NELL1: variants seen among roughly 807,000 people sequenced by gnomAD.
NELL1 encodes the protein neural EGFL like 1, also known as protein kinase C-binding protein NELL1.
NELL1 carries 76 observed loss-of-function variants against 107.4 expected under a neutral mutation model. The ratio of observed to expected loss-of-function variants is 0.71; its 90% confidence interval spans 0.59 to 0.86. The LOEUF (loss-of-function observed/expected upper bound fraction) is 0.86. Among genes scored for constraint, NELL1 ranks in the 40% least tolerant of loss-of-function variants. The pLI is 0.00. For missense variants in NELL1, 1,024 were observed against 1,005.5 expected, an observed-to-expected ratio of 1.02 and a Z score of -0.25; for synonymous variants, 353 against 341.2, an observed-to-expected ratio of 1.03 and a Z score of -0.38.
At chr11:20,928,990 A>G (rs1014929423) in intron 9 of NELL1, among the ~76,000 whole-genome samples, 4 of 152,206 alleles carry the variant, frequency 2.6e-5, no homozygotes, top group East Asian at 1.9e-4. Flanking sequence ...TATGTTCCAT[A>G]TACTGTGCTG....
intron 15 of NELL1, among the ~76,000 whole-genome samples, chr11:21,422,632 A>AG (rs1419933004): frequency 1.3e-5 from 2 of 152,288 alleles, no homozygotes; most frequent in Non-Finnish European, 2.9e-5. Context: ...GAGTGCTAAA[A>AG]GTTTAGGATG....
intron 16 of NELL1, among the ~76,000 whole-genome samples, chr11:21,538,252 T>G (rs2133975263): frequency 6.6e-6 from 1 of 152,276 alleles, no homozygotes; most frequent in East Asian, 1.9e-4. Context: ...TGTCACTTTT[T>G]GTCAGATGAG....
At chr11:20,857,864 C>T (rs1455499861) in intron 4 of NELL1, among the ~76,000 whole-genome samples, 1 of 152,150 alleles carries the variant, frequency 6.6e-6, no homozygotes, top group Non-Finnish European at 1.5e-5. Context: ...GGGCCTATAG[C>T]GGTGCATGGA....
intron 12 of NELL1, among the ~76,000 whole-genome samples, chr11:21,002,911 C>G (rs1479238649): frequency 1.3e-5 from 2 of 152,084 alleles, no homozygotes; most frequent in Non-Finnish European, 2.9e-5. Context: ...TATCTTAATT[C>G]CCCCAATTCC....
At chr11:20,809,148 G>T (rs1423320069) in intron 3 of NELL1, among the ~76,000 whole-genome samples, 1 of 152,104 alleles carries the variant, frequency 6.6e-6, no homozygotes, top group East Asian at 1.9e-4. Context: ...GTGAATAGGG[G>T]TTTGGGTGTT....
At chr11:20,739,764 C>T (rs1168214133) in intron 2 of NELL1, among the ~76,000 whole-genome samples, 2 of 152,032 alleles carry the variant, frequency 1.3e-5, no homozygotes, top group East Asian at 3.9e-4. Context: ...CTGCAGGGTT[C>T]ACAAGAGGAT....
chr11:21,477,511 G>A (rs1854367039), intron 15 of NELL1, among the ~76,000 whole-genome samples: 1 of 152,070 alleles, frequency 6.6e-6, no homozygotes, highest in Non-Finnish European at 1.5e-5. Context: ...TGCAAATATA[G>A]GTGCAGTTAC....
chr11:21,334,467 A>G (rs1850340949), intron 14 of NELL1, among the ~76,000 whole-genome samples: 1 of 151,974 alleles, frequency 6.6e-6, no homozygotes, highest in Non-Finnish European at 1.5e-5. Flanking sequence ...TATATTCATA[A>G]TAGAGTATGC....
intron 3 of NELL1, among the ~76,000 whole-genome samples, chr11:20,840,711 C>T (rs939035340): frequency 1.3e-5 from 2 of 152,176 alleles, no homozygotes; most frequent in Admixed American, 6.5e-5. Flanking sequence ...TGGAATTCAC[C>T]AAGCATTACT....
chr11:21,262,395 G>A (rs995975879), intron 14 of NELL1: 25 of 151,784 alleles, frequency 1.6e-4, no homozygotes, highest in African/African-American at 6.0e-4. Context: ...TTAATTACCT[G>A]AGAAAGACTA....
chr11:21,002,494 A>T (rs551733277), intron 12 of NELL1, among the ~76,000 whole-genome samples: 43 of 152,284 alleles, frequency 2.8e-4, no homozygotes, highest in African/African-American at 9.9e-4. Context: ...GAAAGCTTTA[A>T]TCAGAAAAAT....
At chr11:21,464,634 A>G (rs536912036) in intron 15 of NELL1, among the ~76,000 whole-genome samples, 23 of 152,234 alleles carry the variant, frequency 1.5e-4, no homozygotes, top group African/African-American at 5.3e-4. Context: ...ACCACTTTAT[A>G]AAAGATTATT....
At chr11:21,273,628 A>G (rs11500074) in intron 14 of NELL1, among the ~76,000 whole-genome samples, 44,577 of 152,042 alleles carry the variant, frequency 0.29, 6,874 homozygotes, top group Middle Eastern at 0.41. Flanking sequence ...GAAATGAAGG[A>G]AAAAATGTTA....
At chr11:20,894,490 G>A (rs1332340765) in intron 5 of NELL1, among the ~76,000 whole-genome samples, 1 of 152,098 alleles carries the variant, frequency 6.6e-6, no homozygotes, top group African/African-American at 2.4e-5. Context: ...TTCACAAAAG[G>A]GAATGTCCAA....
intron 4 of NELL1, among the ~76,000 whole-genome samples, chr11:20,854,265 G>A (rs1848840470): frequency 6.6e-6 from 1 of 152,172 alleles, no homozygotes; most frequent in Non-Finnish European, 1.5e-5. Context: ...GTCCTTTACT[G>A]TCTCTGGGCT....
At chr11:20,892,344 C>T (rs1436522034) in intron 5 of NELL1, among the ~76,000 whole-genome samples, 1 of 152,076 alleles carries the variant, frequency 6.6e-6, no homozygotes, top group African/African-American at 2.4e-5. Context: ...TGTACCAGAA[C>T]TGATTATCAG....
rs539430182 is a variant in NELL1, at chr11:21,561,988, C to A, written c.1980+1606C>A. 7.9e-5 allele frequency among the ~76,000 whole-genome samples: 12 copies of A among 152,054 alleles called. 1 individual carries two copies. The highest frequency in any genetic ancestry group is 2.9e-4 in the African/African-American group (12 of 41,510). Reference sequence around the variant, plus strand: ...AATGGGGGTGAATTCTTTGCTAGGTCATTTCAAGAAACTATTGTGTTATTA... The same window carrying A: ...AATGGGGGTGAATTCTTTGCTAGGTAATTTCAAGAAACTATTGTGTTATTA... On this transcript the variant is annotated intron_variant, in intron 17 of 19. Coordinates refer to ENST00000357134, the MANE Select transcript of NELL1 (RefSeq NM_006157.5).
intron 12 of NELL1, among the ~76,000 whole-genome samples, chr11:20,961,667 A>G (rs115008716): frequency 2.1e-4 from 32 of 152,288 alleles, no homozygotes; most frequent in African/African-American, 7.5e-4. Flanking sequence ...TGACTTATAC[A>G]TGGATTTTTT....
intron 12 of NELL1, among the ~76,000 whole-genome samples, chr11:20,976,174 A>G (rs1175641424): frequency 9.3e-6 from 1 of 107,900 alleles, no homozygotes; most frequent in Non-Finnish European, 1.9e-5. Context: ...TTATATCTGT[A>G]CATATATATG....
Sources: allele counts gnomAD v4.1 joint callset (sites outside exome capture counted in the v4.1 genomes callset), GRCh38; gene constraint gnomAD v4.1.1; transcripts MANE v1.5; gene names NCBI Gene and HGNC (gene_info 2026-07-23, HGNC 2026-07-21).